PLD5: variants seen among roughly 807,000 people sequenced by gnomAD.
PLD5 encodes the protein inactive phospholipase D5.
Under a neutral mutation model 61.1 loss-of-function variants are expected in PLD5, and 36 were observed. The observed-to-expected ratio is 0.59, with a 90% CI of 0.45 to 0.78. PLD5 has a LOEUF of 0.78. Ranked by LOEUF, PLD5 falls within the 30% of genes least tolerant of loss-of-function variation. The pLI is 0.00. For missense variants in PLD5, 515 were observed against 644.4 expected (o/e 0.80, Z 2.17); for synonymous variants, 243 against 242.8 (o/e 1.00, Z -0.01).
rs755060639 is a variant in PLD5, at chr1:242,090,029, T to A, written c.1436A>T (p.Asn479Ile). ...LVINQADVRN[N>I]RSIIKQLKDV... ...TTTAAGTTGCTTAATGATGCTTCTG[T>A]TGTTCCTCACATCTGCCTGGTTGAT... The change falls in exon 10 of 10, where the codon AAC (asparagine) becomes ATC (isoleucine). Residue 479 changes from asparagine to isoleucine, a missense_variant. Physicochemically the swap from Asn to Ile is moderately radical, Grantham distance 149 (BLOSUM62 -3). Around this residue, in one of 2 missense-constraint regions of PLD5, gnomAD observed 450 missense variants for 598.1 expected, o/e 0.75. Coordinates refer to ENST00000536534, the MANE Select transcript of PLD5 (RefSeq NM_001372062.1). The A allele has an allele frequency of 1.2e-6, 2 of 1,614,090 alleles. No individual in the cohort carries two copies. The highest frequency in any genetic ancestry group is 1.7e-5 in the Admixed American group (1 of 60,006).
chr1:242,254,348 GAAA>G lies in PLD5; in HGVS notation c.607+10986_607+10988del, dbSNP rs59783629. Reference sequence around the variant, plus strand: ...AGGTTATTATTATCCTCATTTAACTGAAAAAAAAAAAAAAAAAGAAAGAAAGGA... The same window carrying G: ...AGGTTATTATTATCCTCATTTAACTGAAAAAAAAAAAAAAGAAAGAAAGGA... On this transcript the variant is annotated intron_variant, in intron 4 of 9. Transcript: ENST00000536534. Among the ~76,000 whole-genome samples the G allele has an allele frequency of 1.4e-4, 19 of 132,682 alleles. 1 individual carries two copies. The highest frequency in any genetic ancestry group is 1.0e-3 in the Admixed American group (14 of 13,388). 87.0% of individuals were successfully genotyped at this position (132,682 alleles called of 152,430 possible).
chr1:242,201,898 T>G (rs2148957538), intron 5 of PLD5, among the ~76,000 whole-genome samples: 1 of 152,232 alleles, frequency 6.6e-6, no homozygotes, highest in Non-Finnish European at 1.5e-5. Flanking sequence ...AGCTCACTGG[T>G]CTATCACTAT....
chr1:242,508,823 G>C (rs1013072706), intron 1 of PLD5, among the ~76,000 whole-genome samples: 4 of 152,190 alleles, frequency 2.6e-5, no homozygotes, highest in Non-Finnish European at 4.4e-5. Context: ...GCTTACACCT[G>C]TAATCCCAGA....
At chr1:242,315,332 C>G (rs748423626) in intron 2 of PLD5, among the ~76,000 whole-genome samples, 1 of 152,062 alleles carries the variant, frequency 6.6e-6, no homozygotes, top group African/African-American at 2.4e-5. Context: ...TAAACAATAC[C>G]GGAAAGGACA....
chr1:242,122,062 A>G (rs1253208277), intron 6 of PLD5, among the ~76,000 whole-genome samples: 1 of 152,224 alleles, frequency 6.6e-6, no homozygotes, highest in Non-Finnish European at 1.5e-5. Context: ...CACGTTGTGC[A>G]CATGTATCCT....
intron 5 of PLD5, among the ~76,000 whole-genome samples, chr1:242,170,782 C>T (rs527609184): frequency 6.6e-5 from 10 of 151,756 alleles, no homozygotes; most frequent in Admixed American, 3.9e-4. Context: ...GTAGCCAAAT[C>T]GATCAAGGGG....
At chr1:242,463,530 C>T (rs185859640) in intron 1 of PLD5, among the ~76,000 whole-genome samples, 189 of 152,286 alleles carry the variant, frequency 1.2e-3, no homozygotes, top group African/African-American at 4.2e-3. Context: ...AAACTTCCAA[C>T]GCCTTCTCTC....
chr1:242,193,452 G>A (rs1475059475), intron 5 of PLD5, among the ~76,000 whole-genome samples: 1 of 152,174 alleles, frequency 6.6e-6, no homozygotes, highest in Non-Finnish European at 1.5e-5. Context: ...CGTGGAGGAG[G>A]GTGGCCATGC....
chr1:242,296,751 G>T (rs141003327), intron 2 of PLD5, among the ~76,000 whole-genome samples: 1 of 152,248 alleles, frequency 6.6e-6, no homozygotes, highest in East Asian at 1.9e-4. Context: ...ATGTTGTTCA[G>T]GCTGAAGTGC....
In PLD5 at chr1:242,470,354, A is replaced by AAAAG. The variant is rs375557724; in HGVS notation, c.189+53730_189+53733dup. Among the ~76,000 whole-genome samples the AAAAG allele has an allele frequency of 1.3e-3, 177 of 141,348 alleles. 1 individual carries two copies. Among genetic ancestry groups the AAAAG allele is most frequent in the Middle Eastern group, 0.011 (3 of 278 alleles). The allele number at this position is 141,348 out of a possible 152,430, so 92.7% of individuals were successfully genotyped here. On this transcript the variant is annotated intron_variant, in intron 1 of 9. Transcript: ENST00000536534. Reference sequence around the variant, plus strand: ...GACACTCGGTCTCAAAGAAAAAAAAAAAAGAAAGAAAGAAAGAAAGAAAGA... The same window carrying AAAAG: ...GACACTCGGTCTCAAAGAAAAAAAAAAAAGAAAGAAAGAAAGAAAGAAAGAAAGA...
chr1:242,282,017 T>A (rs990944388), intron 3 of PLD5, among the ~76,000 whole-genome samples: 1 of 152,204 alleles, frequency 6.6e-6, no homozygotes, highest in Non-Finnish European at 1.5e-5. Context: ...ACAGTAACCA[T>A]CCCAATTTCT....
At chr1:242,125,358 G>T (rs558851567) in intron 5 of PLD5, among the ~76,000 whole-genome samples, 6 of 152,004 alleles carry the variant, frequency 3.9e-5, no homozygotes, top group Non-Finnish European at 5.9e-5. Flanking sequence ...AGATCATTTT[G>T]TCCACCTCTC....
At chr1:242,373,295 AAAC>A (rs1347187097) in intron 1 of PLD5, among the ~76,000 whole-genome samples, 4 of 152,200 alleles carry the variant, frequency 2.6e-5, no homozygotes, top group Non-Finnish European at 5.9e-5. Flanking sequence ...AAAAGTCAGG[AAAC>A]AACAGGTGCT....
At chr1:242,314,180 A>G (rs1463586684) in intron 2 of PLD5, among the ~76,000 whole-genome samples, 3 of 152,214 alleles carry the variant, frequency 2.0e-5, no homozygotes, top group Non-Finnish European at 2.9e-5. Flanking sequence ...CCTCAAGGTC[A>G]AGTTTTCAGA....
At chr1:242,385,660 A>T (rs891680983) in intron 1 of PLD5, among the ~76,000 whole-genome samples, 1 of 152,198 alleles carries the variant, frequency 6.6e-6, no homozygotes, top group Non-Finnish European at 1.5e-5. Context: ...CCCCAACACT[A>T]AAAATCAAAA....
chr1:242,365,196 G>C (rs1293113075), intron 1 of PLD5: 1 of 152,228 alleles, frequency 6.6e-6, no homozygotes, highest in Non-Finnish European at 1.5e-5. Flanking sequence ...GCCATGAGCA[G>C]TAAAGTCTCT....
chr1:242,153,846 G>C (rs1380653685), intron 5 of PLD5, among the ~76,000 whole-genome samples: 1 of 152,074 alleles, frequency 6.6e-6, no homozygotes, highest in African/African-American at 2.4e-5. Context: ...GCTCTTTTTT[G>C]GTTCCATATG....
At chr1:242,208,867 A>C (rs1669616888) in intron 5 of PLD5, among the ~76,000 whole-genome samples, 1 of 152,196 alleles carries the variant, frequency 6.6e-6, no homozygotes, top group South Asian at 2.1e-4. Flanking sequence ...ACACTGATGA[A>C]GTTTAAATAG....
intron 1 of PLD5, among the ~76,000 whole-genome samples, chr1:242,472,790 C>T (rs761527944): frequency 2.0e-5 from 3 of 152,092 alleles, no homozygotes; most frequent in African/African-American, 7.2e-5. Flanking sequence ...ACAGTCTCTA[C>T]TTTATCAAAT....
Sources: allele counts gnomAD v4.1 joint callset (sites outside exome capture counted in the v4.1 genomes callset), GRCh38; gene constraint gnomAD v4.1.1; regional missense constraint gnomAD v4.1.1; transcripts MANE v1.5; gene names NCBI Gene and HGNC (gene_info 2026-07-23, HGNC 2026-07-21).